NSFL1C: variants seen among roughly 807,000 people sequenced by gnomAD.
NSFL1C encodes the protein NSFL1 cofactor p47.
In NSFL1C, 14 loss-of-function variants were observed where a neutral mutation model predicts 43.1. That is an observed-to-expected ratio of 0.32 (90% CI 0.21 to 0.51). The LOEUF is 0.51. NSFL1C is among the 20% of genes least tolerant of loss of function. NSFL1C has a pLI of 0.98. For synonymous variants in NSFL1C, 171 were observed against 183.5 expected, an observed-to-expected ratio of 0.93 and a Z score of 0.55; for missense variants, 406 against 472.5, an observed-to-expected ratio of 0.86 and a Z score of 1.30.
chr20:1,466,795 C>T lies in NSFL1C; in HGVS notation c.30G>A (p.Arg10=), dbSNP rs1254747988. Residue 10 remains arginine (R), a synonymous_variant, in exon 1 of 9, where the codon AGG becomes AGA. Transcript: ENST00000216879. MAAERQEAL[R]EFVAVTGAEE... is the part of the protein sequence containing the mutation. ...CGGCGCCCGTCACCGCCACGAACTC[C>T]CTCAGCGCCTCCTGTCGCTCCGCCG... The T allele has an allele frequency of 3.9e-6, 6 of 1,557,008 alleles. No homozygotes were observed. The highest frequency in any genetic ancestry group is 1.8e-5 in the Admixed American group (1 of 54,552).
At chr20:1,457,253 G>A (rs759852365) in intron 3 of NSFL1C, among the ~76,000 whole-genome samples, 14 of 152,136 alleles carry the variant, frequency 9.2e-5, no homozygotes, top group Non-Finnish European at 1.5e-4. Context: ...ACCTGGTTAC[G>A]TATGGACTGT....
rs557413167 is a variant in NSFL1C, at chr20:1,462,284, G to GT, written c.203+2044dup. ...CCTCTGAGGTGCTAGCACAAGTTTG[G>GT]TTTTTCCTGAGAATGTAGTCCTAGC... On this transcript the variant is annotated intron_variant, in intron 2 of 8. Transcript: ENST00000216879. Among the ~76,000 whole-genome samples, 68 of 152,242 alleles carry GT rather than the reference G, an allele frequency of 4.5e-4. No homozygotes were observed. The East Asian group carries it at 6.2e-3, about 14-fold the overall frequency.
chr20:1,453,153 G>C lies in NSFL1C; in HGVS notation c.538-13C>G. ...ATACTACATGAACCTGTGATGACAG[G>C]GAGTAAACAGTTACCAGGGATCTGG... On this transcript the variant is annotated splice_polypyrimidine_tract_variant and intron_variant, in intron 5 of 8. Transcript: ENST00000216879. 1.4e-6 allele frequency: 2 copies of C among 1,427,000 alleles called. No individual in the cohort carries two copies. The highest frequency in any genetic ancestry group is 2.0e-6 in the Non-Finnish European group (2 of 1,010,082). 88.4% of individuals were successfully genotyped at this position (1,427,000 alleles called of 1,614,324 possible).
In NSFL1C at chr20:1,454,297, T is replaced by G; in HGVS notation, c.453A>C (p.Ala151=). The change falls in exon 5 of 9, where the codon GCA becomes GCC. Residue 151 remains alanine (A), a synonymous_variant. Transcript: ENST00000216879. The part of the protein sequence containing the change: ...PGETSKPRPF[A]GGGYRLGAAP... ...CTGCCCCAAGGCGGTAGCCACCTCC[T>G]GCAAATGGCTATAAGGGACAAGTTC... The G allele has an allele frequency of 6.2e-7, 1 of 1,611,834 alleles. No homozygotes were observed. Among genetic ancestry groups the G allele is most frequent in the African/African-American group, 1.3e-5 (1 of 75,008 alleles).
chr20:1,466,495 C>G lies in NSFL1C; in HGVS notation c.105+225G>C, dbSNP rs1033482978. Among the ~76,000 whole-genome samples, 55 of 152,228 alleles carry G rather than the reference C, an allele frequency of 3.6e-4. 1 individual carries two copies. Among genetic ancestry groups the G allele is most frequent in the Admixed American group, 3.6e-3 (55 of 15,292 alleles). On this transcript the variant is annotated intron_variant, in intron 1 of 8. Transcript: ENST00000216879. ...TCGCTGACGCCGCAAGCGGGCGAGG[C>G]AGGGTGAAACTGGCACGGCAGAACT...
chr20:1,445,989 A>C, intron 7 of NSFL1C, 159 bp from the exon 8 acceptor site: 1 of 709,628 alleles, frequency 1.4e-6, no homozygotes, highest in Non-Finnish European at 2.4e-6. Context: ...CCCTTATGGA[A>C]CTTACAGGTC....
chr20:1,464,295 C>CA (rs778821235), intron 2 of NSFL1C, 34 bp downstream of exon 2: 2 of 1,578,458 alleles, frequency 1.3e-6, no homozygotes, highest in Non-Finnish European at 1.7e-6. Flanking sequence ...CTGCTGGAAA[C>CA]ACTCATGTAG....
At chr20:1,453,777 C>T (rs925803939) in intron 5 of NSFL1C, among the ~76,000 whole-genome samples, 4 of 152,026 alleles carry the variant, frequency 2.6e-5, no homozygotes, top group African/African-American at 7.3e-5. Context: ...TGTATGATTA[C>T]ACTTGTGGGG....
chr20:1,459,223 T>A (rs1321905198), intron 2 of NSFL1C, among the ~76,000 whole-genome samples: 2 of 152,226 alleles, frequency 1.3e-5, no homozygotes, highest in Non-Finnish European at 2.9e-5. Context: ...AGGAGGGACC[T>A]GGATCATGCA....
intron 3 of NSFL1C, 52 bp from the exon 4 acceptor site, chr20:1,455,184 G>C: frequency 1.2e-6 from 2 of 1,602,002 alleles, no homozygotes; most frequent in South Asian, 1.1e-5. Context: ...AACATGAATA[G>C]AGCATGTGCC....
intron 4 of NSFL1C, 120 bp downstream of exon 4, chr20:1,454,847 G>A: frequency 9.3e-7 from 1 of 1,070,278 alleles, no homozygotes; most frequent in Non-Finnish European, 1.4e-6. Context: ...GTTCCGCACA[G>A]AAGACCAAGT....
intron 1 of NSFL1C, among the ~76,000 whole-genome samples, chr20:1,466,296 G>A (rs2090509302): frequency 6.6e-6 from 1 of 152,188 alleles, no homozygotes; most frequent in African/African-American, 2.4e-5. Flanking sequence ...GCTGGGCGGC[G>A]GTCAACTCCC....
chr20:1,449,528 G>A (rs541674045), intron 7 of NSFL1C, among the ~76,000 whole-genome samples: 1 of 152,320 alleles, frequency 6.6e-6, no homozygotes, highest in East Asian at 1.9e-4. Flanking sequence ...CTGTTCAAAG[G>A]AGCTGGCCTG....
chr20:1,465,857 G>A (rs1459188840), intron 1 of NSFL1C, among the ~76,000 whole-genome samples: 2 of 152,168 alleles, frequency 1.3e-5, no homozygotes, highest in Non-Finnish European at 2.9e-5. Context: ...GAGGCCTTGA[G>A]CAAGTTACTT....
intron 1 of NSFL1C, among the ~76,000 whole-genome samples, chr20:1,464,736 A>G (rs1278176387): frequency 6.6e-6 from 1 of 152,242 alleles, no homozygotes; most frequent in Non-Finnish European, 1.5e-5. Context: ...TTTACATGCC[A>G]GGTTGTTCTG....
chr20:1,452,717 C>T (rs2090209179), intron 6 of NSFL1C, 87 bp from the exon 7 acceptor site: 1 of 1,536,238 alleles, frequency 6.5e-7, no homozygotes, highest in Non-Finnish European at 8.8e-7. Context: ...CCTCTCAGTC[C>T]CGTGGTGAAA....
In NSFL1C at chr20:1,466,762, G is replaced by C. The variant is rs1400093399; in HGVS notation, c.63C>G (p.Asp21Glu). The change falls in exon 1 of 9, where the codon GAC becomes GAG. Residue 21 changes from aspartate to glutamate, a missense_variant. By Grantham distance (45) the Asp-to-Glu change is conservative. Transcript: ENST00000216879. ...EFVAVTGAEEDRARFFLESAG... is the reference protein window; with the variant it reads ...EFVAVTGAEEERARFFLESAG... The stretch of plus-strand genomic sequence containing the variant: ...CCGACTCGAGAAAGAAGCGGGCCCG[G>C]TCCTCCTCGGCGCCCGTCACCGCCA... 3 of 1,563,576 alleles carry C rather than the reference G, an allele frequency of 1.9e-6. No homozygotes were observed. The highest frequency in any genetic ancestry group is 8.6e-7 in the Non-Finnish European group (1 of 1,156,992).
intron 7 of NSFL1C, among the ~76,000 whole-genome samples, chr20:1,449,982 T>C (rs2090151706): frequency 6.6e-6 from 1 of 151,962 alleles, no homozygotes; most frequent in African/African-American, 2.4e-5. Flanking sequence ...ACAACAAAAT[T>C]CTCCGGTTTC....
At chr20:1,457,065 T>C (rs547588517) in intron 3 of NSFL1C, 8 of 152,340 alleles carry the variant, frequency 5.3e-5, no homozygotes, top group African/African-American at 1.9e-4. Flanking sequence ...ATTATACTAG[T>C]CTGTAGTTTC....
Sources: gnomAD v4.1 joint callset for allele counts (sites outside exome capture counted in the v4.1 genomes callset) on GRCh38, gnomAD v4.1.1 for gene constraint, MANE v1.5 for transcripts, NCBI Gene and HGNC (gene_info 2026-07-23, HGNC 2026-07-21) for gene names.